EHBP1: variants seen among roughly 807,000 people sequenced by gnomAD.
The protein encoded by EHBP1 is EH domain binding protein 1.
In EHBP1, 55 loss-of-function variants were observed where a neutral mutation model predicts 144.0. The observed-to-expected ratio is 0.38, with a 90% confidence interval of 0.31 to 0.48. EHBP1 has a LOEUF of 0.48. Ranked by LOEUF, EHBP1 falls within the 20% of genes least tolerant of loss-of-function variation. The pLI is 0.98. For synonymous variants in EHBP1, 469 were observed against 472.7 expected (o/e 0.99, Z 0.10); for missense variants, 1,200 against 1,364.2 (o/e 0.88, Z 1.90).
intron 10 of EHBP1, among the ~76,000 whole-genome samples, chr2:62,926,139 A>T (rs768876813): frequency 6.6e-6 from 1 of 152,168 alleles, no homozygotes; most frequent in Non-Finnish European, 1.5e-5. Flanking sequence ...GACACCAAGG[A>T]CACTCATTGG....
chr2:62,748,802 A>G (rs1018169610), intron 3 of EHBP1, among the ~76,000 whole-genome samples: 14 of 152,090 alleles, frequency 9.2e-5, no homozygotes, highest in African/African-American at 3.4e-4. Flanking sequence ...AAATCCTACA[A>G]TTTTCTGTAT....
intron 6 of EHBP1, among the ~76,000 whole-genome samples, chr2:62,827,446 C>T (rs1387245152): frequency 6.6e-6 from 1 of 152,176 alleles, no homozygotes; most frequent in Non-Finnish European, 1.5e-5. Context: ...GGACTTCCTT[C>T]CACTGGGCAA....
intron 12 of EHBP1, among the ~76,000 whole-genome samples, chr2:62,947,397 C>T (rs895002746): frequency 2.0e-5 from 3 of 152,142 alleles, no homozygotes; most frequent in Non-Finnish European, 4.4e-5. Flanking sequence ...TTAAGAAAAA[C>T]TTTGAATTAT....
chr2:62,753,301 C>A (rs984814414), intron 3 of EHBP1, among the ~76,000 whole-genome samples: 6 of 152,212 alleles, frequency 3.9e-5, no homozygotes, highest in Admixed American at 2.0e-4. Flanking sequence ...GTTGAAAATT[C>A]TTTTCTTTAA....
chr2:62,894,059 A>AT (rs1466725949), intron 10 of EHBP1, among the ~76,000 whole-genome samples: 2 of 152,030 alleles, frequency 1.3e-5, no homozygotes, highest in Non-Finnish European at 2.9e-5. Context: ...AAAAAAAAAA[A>AT]ACAGCAACAA....
At position 62,898,607 on chromosome 2, in the gene EHBP1, C is replaced by G. The variant is rs142943097; in HGVS notation, c.1185+24075C>G. The stretch of plus-strand genomic sequence containing the variant: ...ACCCTATATAAACCACCCCTTTTCT[C>G]CAATCACTATATCATACCTATGTAC... On this transcript the variant is annotated intron_variant, in intron 10 of 22. Coordinates refer to ENST00000431489, the MANE Select transcript of EHBP1 (RefSeq NM_001142616.3). Among the ~76,000 whole-genome samples, 3 of 152,260 alleles carry G rather than the reference C, an allele frequency of 2.0e-5. No homozygotes were observed. In the East Asian group the frequency reaches 5.8e-4, roughly 29 times the overall value.
intron 3 of EHBP1, among the ~76,000 whole-genome samples, chr2:62,757,696 A>C (rs888891222): frequency 4.6e-5 from 7 of 151,954 alleles, no homozygotes; most frequent in African/African-American, 1.7e-4. Flanking sequence ...GGCCTTCCAA[A>C]GTGCTGGGAT....
intron 7 of EHBP1, among the ~76,000 whole-genome samples, chr2:62,854,025 T>C (rs1393029789): frequency 1.3e-5 from 2 of 152,254 alleles, no homozygotes; most frequent in African/African-American, 4.8e-5. Context: ...AGCATCATTT[T>C]TAAGGGCCCT....
Position 62,859,283 on chromosome 2 carries a change from A to G in EHBP1, c.749A>G (p.Asp250Gly). The change falls in exon 8 of 23, where the codon GAC (aspartate) becomes GGC (glycine). Residue 250 changes from aspartate (D) to glycine (G), a missense_variant. Around this residue, in one of 6 missense-constraint regions of EHBP1, gnomAD observed 266 missense variants for 262.4 expected, o/e 1.01. Coordinates refer to ENST00000431489, the MANE Select transcript of EHBP1 (RefSeq NM_001142616.3). ...GAATTAAATCCATTTGGAGATCCTG[A>G]CTCAGAAGGTAGCAAGTTTTTCTGT... ...AAELNPFGDP[D>G]SEEPITETAS... 6.2e-7 allele frequency: 1 copy of G among 1,601,962 alleles called. No homozygotes were observed. Among genetic ancestry groups the G allele is most frequent in the Non-Finnish European group, 8.5e-7 (1 of 1,171,988 alleles).
chr2:63,029,753 A>G (rs761534118), intron 19 of EHBP1, among the ~76,000 whole-genome samples: 2 of 152,108 alleles, frequency 1.3e-5, no homozygotes, highest in Non-Finnish European at 2.9e-5. Flanking sequence ...TGTTTTTGAG[A>G]TGAAGTCTTG....
chr2:62,734,250 G>A (rs566678171), intron 2 of EHBP1, among the ~76,000 whole-genome samples: 10 of 151,562 alleles, frequency 6.6e-5, no homozygotes, highest in Non-Finnish European at 1.3e-4. Flanking sequence ...TTGAGACATA[G>A]TGAAAGTATT....
intron 7 of EHBP1, among the ~76,000 whole-genome samples, chr2:62,831,719 C>A (rs2046835047): frequency 6.6e-6 from 1 of 152,156 alleles, no homozygotes; most frequent in African/African-American, 2.4e-5. Context: ...ATTTGGCTAT[C>A]ACACTTAAGC....
Position 62,780,394 on chromosome 2 carries a change from T to G in EHBP1, c.312+9002T>G, listed in dbSNP as rs556743696. Among the ~76,000 whole-genome samples, 7 of 152,236 alleles carry G rather than the reference T, an allele frequency of 4.6e-5. No homozygotes were observed. The East Asian group carries it at 1.3e-3, about 29-fold the overall frequency. ...TTAGGCGGGGTATAATAGATATGACTAGGAGCTAAATGAAAAATTTTTAGC... is the reference window on the plus strand; with the variant it reads ...TTAGGCGGGGTATAATAGATATGACGAGGAGCTAAATGAAAAATTTTTAGC... On this transcript the variant is annotated intron_variant, in intron 5 of 22. Coordinates refer to ENST00000431489, the MANE Select transcript of EHBP1 (RefSeq NM_001142616.3).
intron 10 of EHBP1, among the ~76,000 whole-genome samples, chr2:62,933,500 A>G (rs534736585): frequency 1.3e-5 from 2 of 152,330 alleles, no homozygotes; most frequent in African/African-American, 4.8e-5. Context: ...TGGTATTTTC[A>G]ACTGCATCTT....
intron 8 of EHBP1, among the ~76,000 whole-genome samples, chr2:62,862,640 A>C (rs188763757): frequency 6.6e-6 from 1 of 152,260 alleles, no homozygotes; most frequent in African/African-American, 2.4e-5. Flanking sequence ...AGTAATTAAT[A>C]AATGTCAGTC....
chr2:62,816,117 C>A (rs2152551142), intron 5 of EHBP1, among the ~76,000 whole-genome samples: 1 of 152,230 alleles, frequency 6.6e-6, no homozygotes, highest in East Asian at 1.9e-4. Context: ...ACTTTTCCAG[C>A]TACATATCTG....
rs139961973 is a variant in EHBP1 at position 62,793,378 on chromosome 2, A to C, written c.312+21986A>C. ...ACTCTCACTTTGGAATTTACTCCAG[A>C]GACAGCTTGAACTAGTGAAAATCTA... On this transcript the variant is annotated intron_variant, in intron 5 of 22. Transcript: ENST00000431489. 5.1e-4 allele frequency among the ~76,000 whole-genome samples: 77 copies of C among 152,202 alleles called. 1 individual carries two copies. The highest frequency in any genetic ancestry group is 2.3e-3 in the South Asian group (11 of 4,834).
chr2:62,975,976 G>T (rs1574318675), intron 14 of EHBP1, among the ~76,000 whole-genome samples: 1 of 149,840 alleles, frequency 6.7e-6, no homozygotes, highest in African/African-American at 2.5e-5. Context: ...AGAATATTTT[G>T]TTACTCCAAA....
chr2:62,957,096 A>G (rs1231158521), intron 14 of EHBP1, among the ~76,000 whole-genome samples: 1 of 152,242 alleles, frequency 6.6e-6, no homozygotes, highest in Non-Finnish European at 1.5e-5. Flanking sequence ...AAAATCCTAT[A>G]GAAAATATTA....
Sources: allele counts gnomAD v4.1 joint callset (sites outside exome capture counted in the v4.1 genomes callset), GRCh38; gene constraint gnomAD v4.1.1; regional missense constraint gnomAD v4.1.1; transcripts MANE v1.5; gene names NCBI Gene and HGNC (gene_info 2026-07-23, HGNC 2026-07-21).